The following CTBP2 variants were observed in gnomAD, a reference collection of about 807,000 sequenced individuals.
CTBP2 encodes C-terminal binding protein 2, also known as C-terminal-binding protein 2.
Under a neutral mutation model 80.3 loss-of-function variants are expected in CTBP2, and 30 were observed. The observed-to-expected ratio is 0.37, with a 90% CI of 0.28 to 0.51. The LOEUF is 0.51. CTBP2 is among the 20% of genes least tolerant of loss of function. The probability of loss-of-function intolerance (pLI) is 0.93; values close to 1 mark genes in which losing one functional copy is unlikely to be tolerated. For synonymous variants in CTBP2, 594 were observed against 587.4 expected (o/e 1.01, Z -0.16); for missense variants, 1,212 against 1,375.3 (o/e 0.88, Z 1.88).
chr10:125,103,653 A>T (rs1850993044), intron 2 of CTBP2, among the ~76,000 whole-genome samples: 1 of 152,206 alleles, frequency 6.6e-6, no homozygotes, highest in African/African-American at 2.4e-5. Flanking sequence ...AGTGGCCTCG[A>T]GCAGCTGGAG....
intron 2 of CTBP2, among the ~76,000 whole-genome samples, chr10:125,069,592 C>A (rs555358876): frequency 6.6e-6 from 1 of 152,308 alleles, no homozygotes; most frequent in South Asian, 2.1e-4. Context: ...TGCACACCAG[C>A]CTGGGCGACA....
At position 124,984,705 on chromosome 10, in the gene CTBP2, A is replaced by G; in HGVS notation, c.*4813T>C. On this transcript the variant is annotated 3_prime_UTR_variant, in exon 9 of 9. Transcript: ENST00000309035. ...GTTAGCATACCAGCTGTAGGTTTCC[A>G]TGTCACATTCCTACCAAGTCTCTGA... The G allele has an allele frequency of 1.3e-6, 2 of 1,500,730 alleles. No homozygotes were observed. The highest frequency in any genetic ancestry group is 1.8e-6 in the Non-Finnish European group (2 of 1,101,346). 93.0% of individuals were successfully genotyped at this position (1,500,730 alleles called of 1,614,324 possible).
chr10:125,026,759 G>A lies in CTBP2; in HGVS notation c.1001C>T (p.Pro334Leu), dbSNP rs758789824. The A allele has an allele frequency of 6.2e-7, 1 of 1,613,064 alleles. No individual in the cohort carries two copies. The highest frequency in any genetic ancestry group is 8.5e-7 in the Non-Finnish European group (1 of 1,179,960). The change falls in exon 1 of 9, where the codon CCC becomes CTC. Residue 334 changes from proline (P) to leucine (L), a missense_variant. Around this residue, in one of 3 missense-constraint regions of CTBP2, gnomAD observed 848 missense variants for 782.3 expected, o/e 1.08. Transcript: ENST00000309035. The stretch of plus-strand genomic sequence containing the variant: ...CAGAACACGGGCCTGGCCCAGGTTG[G>A]GTGCGACAGACTTGATATCCGCGTC...
At chr10:125,144,601 G>A (rs774060277) in intron 1 of CTBP2, among the ~76,000 whole-genome samples, 1 of 152,234 alleles carries the variant, frequency 6.6e-6, no homozygotes, top group Non-Finnish European at 1.5e-5. Flanking sequence ...TCCCAAATCC[G>A]CTTGCATCAT....
chr10:125,034,024 C>G lies in CTBP2; in HGVS notation c.58+4973G>C, dbSNP rs1013081923. On this transcript the variant is annotated intron_variant, in intron 3 of 10. Transcript: ENST00000337195. ...TCCAGTTGCACTACACATCCCTGGC[C>G]CCCCAAATAAAAGCAAAGTGGCCTT... Among the ~76,000 whole-genome samples, 9 of 152,110 alleles carry G rather than the reference C, an allele frequency of 5.9e-5. No homozygotes were observed. The East Asian group carries it at 1.7e-3, about 29-fold the overall frequency.
intron 2 of CTBP2, among the ~76,000 whole-genome samples, chr10:125,062,706 C>A (rs1188782729): frequency 6.6e-6 from 1 of 152,050 alleles, no homozygotes; most frequent in Admixed American, 6.5e-5. Context: ...ACTAAAAATA[C>A]AAAAAATTAG....
At chr10:125,086,621 A>AT (rs1159488958) in intron 2 of CTBP2, among the ~76,000 whole-genome samples, 1,111 of 84,742 alleles carry the variant, frequency 0.013, 7 homozygotes, top group Non-Finnish European at 0.023. Flanking sequence ...TTTAAAAAAA[A>AT]AAAAAAAAAA....
intron 7 of CTBP2, 63 bp downstream of exon 9, chr10:124,993,114 AGAGCTGCCTGTAGCCAGCAGGACAG>A: frequency 6.7e-7 from 1 of 1,491,298 alleles, no homozygotes; most frequent in Non-Finnish European, 9.0e-7. Context: ...CTACCTGTCG[AGAGCTGCCTGTAGCCAGCAGGACAG>A]GAGCCGGCTG....
rs183609554 is a variant in CTBP2 at position 124,997,960 on chromosome 10, G to A, written c.2185+4C>T. The stretch of plus-strand genomic sequence containing the variant: ...TGGGGGTCAGCGCAGAGGGTGGCAC[G>A]TACCAAAGCCAATGAGGCCCAGCGT... On this transcript the variant is annotated splice_donor_region_variant and intron_variant, in intron 4 of 8. Coordinates refer to ENST00000309035, the MANE Select transcript of CTBP2 (RefSeq NM_022802.3). The A allele has an allele frequency of 1.6e-5, 25 of 1,610,680 alleles. No homozygotes were observed. Among genetic ancestry groups the A allele is most frequent in the South Asian group, 1.2e-4 (11 of 90,860 alleles).
chr10:125,025,225 G>C (rs1432227989), intron 1 of CTBP2, among the ~76,000 whole-genome samples: 2 of 152,126 alleles, frequency 1.3e-5, no homozygotes, highest in Admixed American at 6.5e-5. Flanking sequence ...AATTATGTTT[G>C]AAAGGAAGAA....
chr10:125,049,429 C>G (rs958347225), intron 2 of CTBP2, among the ~76,000 whole-genome samples: 2 of 152,148 alleles, frequency 1.3e-5, no homozygotes, highest in South Asian at 2.1e-4. Context: ...GGAGCCCCCA[C>G]CTGAGCTCCG....
intron 3 of CTBP2, among the ~76,000 whole-genome samples, chr10:125,037,996 T>C (rs932355885): frequency 1.3e-5 from 2 of 152,160 alleles, no homozygotes; most frequent in African/African-American, 2.4e-5. Context: ...TTTGTGAATG[T>C]TTACTTTAAA....
At position 124,984,841 on chromosome 10, in the gene CTBP2, G is replaced by C. The variant is rs1951997664; in HGVS notation, c.*4677C>G. The stretch of plus-strand genomic sequence containing the variant: ...CTGGACTGCTGTGTGACGGAGGGGG[G>C]AGTTCTGGTTGCCATGCAGAAGAGT... On this transcript the variant is annotated 3_prime_UTR_variant, in exon 9 of 9. Transcript: ENST00000309035. The C allele has an allele frequency of 1.2e-6, 2 of 1,613,882 alleles. No homozygotes were observed. The highest frequency in any genetic ancestry group is 1.7e-5 in the Admixed American group (1 of 59,976).
intron 1 of CTBP2, among the ~76,000 whole-genome samples, chr10:125,126,597 C>T (rs1179314328): frequency 6.6e-6 from 1 of 152,248 alleles, no homozygotes; most frequent in African/African-American, 2.4e-5. Flanking sequence ...TCAGGACAAG[C>T]CACGTACTTG....
chr10:125,005,191 T>C (rs1384268119), intron 1 of CTBP2, among the ~76,000 whole-genome samples: 2 of 152,216 alleles, frequency 1.3e-5, no homozygotes, highest in Admixed American at 6.5e-5. Flanking sequence ...CTTGGGATAA[T>C]TGTCTCTTTG....
At chr10:125,041,209 T>C (rs2135023550) in intron 2 of CTBP2, among the ~76,000 whole-genome samples, 1 of 152,300 alleles carries the variant, frequency 6.6e-6, no homozygotes, top group African/African-American at 2.4e-5. Context: ...ACCTCCTTAA[T>C]AGGTGGTACT....
chr10:124,993,225 G>A lies in CTBP2; in HGVS notation c.2636C>T (p.Thr879Ile). 1 of 1,600,378 alleles carries A rather than the reference G, an allele frequency of 6.2e-7. No homozygotes were observed. The highest frequency in any genetic ancestry group is 8.5e-7 in the Non-Finnish European group (1 of 1,169,790). The change falls in exon 7 of 9, where the codon ACC becomes ATC. Residue 879 changes from threonine (T) to isoleucine (I), a missense_variant. Around this residue, in one of 3 missense-constraint regions of CTBP2, gnomAD observed 335 missense variants for 504.7 expected, o/e 0.66. Coordinates refer to ENST00000309035, the MANE Select transcript of CTBP2 (RefSeq NM_022802.3). Reference sequence around the variant, plus strand: ...ACCTGTGATGGCTCGGCGGATCTCGGTGGCAGCTGCCTCCCTCATCTCCAG... The same window carrying A: ...ACCTGTGATGGCTCGGCGGATCTCGATGGCAGCTGCCTCCCTCATCTCCAG...
intron 1 of CTBP2, among the ~76,000 whole-genome samples, chr10:125,148,487 A>C (rs1415504591): frequency 6.6e-6 from 1 of 152,194 alleles, no homozygotes; most frequent in African/African-American, 2.4e-5. Context: ...ACTCCTTTTT[A>C]AGCTTCCTTG....
intron 1 of CTBP2, among the ~76,000 whole-genome samples, chr10:125,121,239 A>G (rs1854269963): frequency 1.3e-5 from 2 of 152,256 alleles, no homozygotes; most frequent in African/African-American, 4.8e-5. Context: ...CACAGCGGGA[A>G]GCACAGGCAA....
Sources: gnomAD v4.1 joint callset for allele counts (sites outside exome capture counted in the v4.1 genomes callset) on GRCh38, gnomAD v4.1.1 for gene constraint, gnomAD v4.1.1 regional missense constraint, MANE v1.5 for transcripts, NCBI Gene and HGNC (gene_info 2026-07-23, HGNC 2026-07-21) for gene names.